The following IL1RAPL2 variants were observed in gnomAD, a reference collection of about 807,000 sequenced individuals.
IL1RAPL2 encodes the protein X-linked interleukin-1 receptor accessory protein-like 2.
IL1RAPL2 carries 3 observed loss-of-function variants against 44.1 expected under a neutral mutation model. The observed-to-expected ratio is 0.07, with a 90% confidence interval of 0.03 to 0.18. The LOEUF is 0.18. Ranked by LOEUF, IL1RAPL2 falls within the 10% of genes least tolerant of loss-of-function variation. IL1RAPL2 has a pLI of 1.00. For missense variants in IL1RAPL2, 391 were observed against 496.4 expected (o/e 0.79, Z 2.02); for synonymous variants, 181 against 178.8 (o/e 1.01, Z -0.10).
chrX:105,027,911 A>C (rs760771780), intron 2 of IL1RAPL2, among the ~76,000 whole-genome samples: 1 of 112,054 alleles, frequency 8.9e-6, no homozygotes, highest in South Asian at 3.7e-4. Flanking sequence ...ACAATAGCTA[A>C]GATTTGGAAA....
intron 2 of IL1RAPL2, among the ~76,000 whole-genome samples, chrX:104,910,675 GT>G (rs1197561702): frequency 9.0e-6 from 1 of 111,473 alleles, no homozygotes; most frequent in Admixed American, 9.6e-5. Flanking sequence ...GTGTCTTGAG[GT>G]TTTTGTTTCT....
At chrX:105,023,831 A>C (rs2031320972) in intron 2 of IL1RAPL2, among the ~76,000 whole-genome samples, 1 of 111,389 alleles carries the variant, frequency 9.0e-6, no homozygotes, top group Admixed American at 9.6e-5. Context: ...AGTATATTAT[A>C]TTTTACTCTT....
intron 2 of IL1RAPL2, among the ~76,000 whole-genome samples, chrX:105,080,671 T>A (rs1321631180): frequency 1.8e-5 from 2 of 112,084 alleles, no homozygotes; most frequent in African/African-American, 6.5e-5. Context: ...AGCTTTGTTC[T>A]TTTTGCTTAG....
chrX:104,707,484 T>G (rs1931382267), intron 2 of IL1RAPL2, among the ~76,000 whole-genome samples: 1 of 112,094 alleles, frequency 8.9e-6, no homozygotes, highest in African/African-American at 3.2e-5. Context: ...TTTCCTTGCC[T>G]TCTTCTTTTA....
chrX:104,926,777 T>C (rs1924784224), intron 2 of IL1RAPL2, among the ~76,000 whole-genome samples: 2 of 111,778 alleles, frequency 1.8e-5, no homozygotes, highest in Non-Finnish European at 3.8e-5. Context: ...TCCTTTTGAA[T>C]TGTTCCACTG....
intron 6 of IL1RAPL2, among the ~76,000 whole-genome samples, chrX:105,533,189 C>CA (rs1234068557): frequency 9.1e-6 from 1 of 110,225 alleles, no homozygotes; most frequent in Non-Finnish European, 1.9e-5. Context: ...GACTCCATCT[C>CA]AAAAAAATAA....
intron 2 of IL1RAPL2, among the ~76,000 whole-genome samples, chrX:104,754,081 C>T (rs1293051949): frequency 9.0e-6 from 1 of 111,405 alleles, no homozygotes; most frequent in Non-Finnish European, 1.9e-5. Context: ...TGCTCAAGGT[C>T]CAAAAGAAAG....
chrX:104,825,581 A>G (rs751900541), intron 2 of IL1RAPL2, among the ~76,000 whole-genome samples: 4 of 112,559 alleles, frequency 3.6e-5, no homozygotes, highest in South Asian at 3.6e-4. Context: ...TAGATGCACC[A>G]TAATTTGATC....
intron 2 of IL1RAPL2, among the ~76,000 whole-genome samples, chrX:104,834,436 T>G (rs978231394): frequency 1.8e-5 from 2 of 111,440 alleles, no homozygotes; most frequent in African/African-American, 6.5e-5. Flanking sequence ...ACATTATTAT[T>G]GGCTTGATAA....
intron 2 of IL1RAPL2, among the ~76,000 whole-genome samples, chrX:105,021,065 C>T (rs190808270): frequency 9.8e-5 from 11 of 111,796 alleles, no homozygotes; most frequent in African/African-American, 3.2e-4. Context: ...AATCTGATTA[C>T]CAGATCTAAC....
At chrX:104,610,215 T>C (rs1166750901) in intron 1 of IL1RAPL2, among the ~76,000 whole-genome samples, 6 of 110,951 alleles carry the variant, frequency 5.4e-5, no homozygotes, top group African/African-American at 2.0e-4. Context: ...CCTTTGAAAA[T>C]GGGCACAAGA....
At chrX:104,751,440 G>A (rs775459742) in intron 2 of IL1RAPL2, among the ~76,000 whole-genome samples, 1 of 111,720 alleles carries the variant, frequency 9.0e-6, no homozygotes, top group Non-Finnish European at 1.9e-5. Context: ...GTAGGGAATA[G>A]GGGTTAGAAT....
At chrX:104,585,150 C>CACAT (rs1556438171) in intron 1 of IL1RAPL2, among the ~76,000 whole-genome samples, 1 of 73,179 alleles carries the variant, frequency 1.4e-5, no homozygotes, top group Non-Finnish European at 2.4e-5. Context: ...TACACACACA[C>CACAT]ATATATATAC....
At chrX:104,643,399 T>C (rs967734626) in intron 1 of IL1RAPL2, among the ~76,000 whole-genome samples, 8 of 112,020 alleles carry the variant, frequency 7.1e-5, no homozygotes. Flanking sequence ...TGTTCATTTA[T>C]TGAGTTAATC....
chrX:105,479,343 A>G (rs1370108209), intron 5 of IL1RAPL2, among the ~76,000 whole-genome samples: 4 of 111,862 alleles, frequency 3.6e-5, no homozygotes, highest in Non-Finnish European at 7.5e-5. Flanking sequence ...TACCAAACTT[A>G]GAGGAAGAGT....
chrX:105,318,666 C>G (rs2034872553), intron 5 of IL1RAPL2, among the ~76,000 whole-genome samples: 1 of 110,758 alleles, frequency 9.0e-6, no homozygotes, highest in African/African-American at 3.3e-5. Flanking sequence ...TGAAGTGAAG[C>G]CTGGTGTGGC....
chrX:104,809,520 GTCT>G (rs1932955173), intron 2 of IL1RAPL2, among the ~76,000 whole-genome samples: 1 of 110,590 alleles, frequency 9.0e-6, no homozygotes, highest in Non-Finnish European at 1.9e-5. Context: ...CTGCATAAAT[GTCT>G]TCTTTTGAGA....
intron 2 of IL1RAPL2, among the ~76,000 whole-genome samples, chrX:104,914,402 G>A (rs919187539): frequency 4.5e-5 from 5 of 111,410 alleles, no homozygotes; most frequent in African/African-American, 1.3e-4. Context: ...AAAGGAAAGT[G>A]TCTCATAAAA....
chrX:105,653,172 T>C (rs2147843944), intron 6 of IL1RAPL2, among the ~76,000 whole-genome samples: 1 of 111,825 alleles, frequency 8.9e-6, no homozygotes, highest in Non-Finnish European at 1.9e-5. Flanking sequence ...AAAATATAGC[T>C]TCTGAAATCC....
Sources: gnomAD v4.1 joint callset for allele counts (sites outside exome capture counted in the v4.1 genomes callset) on GRCh38, gnomAD v4.1.1 for gene constraint, MANE v1.5 for transcripts, NCBI Gene and HGNC (gene_info 2026-07-23, HGNC 2026-07-21) for gene names.